Variants in CELF2 observed in about 807,000 individuals in gnomAD.
CELF2 encodes the protein CUGBP Elav-like family member 2.
Under a neutral mutation model 62.6 loss-of-function variants are expected in CELF2, and 8 were observed. That is an observed-to-expected ratio of 0.13 (90% CI 0.07 to 0.23). The LOEUF is 0.23. Among genes scored for constraint, CELF2 ranks in the 10% least tolerant of loss-of-function variants. The probability of loss-of-function intolerance (pLI) is 1.00; values close to 1 mark genes in which losing one functional copy is unlikely to be tolerated. For synonymous variants in CELF2, 258 were observed against 250.0 expected, an observed-to-expected ratio of 1.03 and a Z score of -0.30; for missense variants, 333 against 671.0, an observed-to-expected ratio of 0.50 and a Z score of 5.56.
Position 11,170,971 on chromosome 10 carries a change from G to A in CELF2, c.271+5289G>A, listed in dbSNP as rs955173687. 2.6e-5 allele frequency among the ~76,000 whole-genome samples: 4 copies of A among 152,096 alleles called. No homozygotes were observed. The East Asian group carries it at 7.7e-4, about 29-fold the overall frequency. On this transcript the variant is annotated intron_variant, in intron 2 of 12. Transcript: ENST00000633077. ...CCGAGTGATAGATTAAAATCACTTG[G>A]CATTTGAGATTAGAAGGTAGGAACA...
intron 1 of CELF2, among the ~76,000 whole-genome samples, chr10:10,873,985 G>C (rs1215059791): frequency 1.3e-5 from 2 of 152,170 alleles, no homozygotes; most frequent in Non-Finnish European, 2.9e-5. Flanking sequence ...CCTATATCTA[G>C]TTGATGTAAA....
chr10:10,712,820 T>G, the CELF2 span, among the ~76,000 whole-genome samples: 5 of 152,188 alleles, frequency 3.3e-5, no homozygotes, highest in Non-Finnish European at 7.3e-5. Flanking sequence ...ACTCACCTTC[T>G]CCACTGCTAG....
chr10:10,890,065 T>C (rs930842958), intron 1 of CELF2, among the ~76,000 whole-genome samples: 1 of 152,166 alleles, frequency 6.6e-6, no homozygotes, highest in African/African-American at 2.4e-5. Context: ...GGGGTTTTTT[T>C]CCCCTAAACT....
chr10:10,543,901 G>A, the CELF2 span, among the ~76,000 whole-genome samples: 1 of 152,204 alleles, frequency 6.6e-6, no homozygotes, highest in Non-Finnish European at 1.5e-5. Flanking sequence ...AGCATGCAGT[G>A]AGTCTTGCCT....
At chr10:10,984,950 C>T (rs947173134) in intron 2 of CELF2, among the ~76,000 whole-genome samples, 3 of 152,032 alleles carry the variant, frequency 2.0e-5, no homozygotes, top group South Asian at 2.1e-4. Context: ...AGAAGAGAAA[C>T]GGGCATGTGA....
At chr10:10,833,514 C>T (rs1255955133) in intron 1 of CELF2, among the ~76,000 whole-genome samples, 1 of 152,112 alleles carries the variant, frequency 6.6e-6, no homozygotes, top group South Asian at 2.1e-4. Context: ...TAGGGGCAGG[C>T]AGCATTATCT....
At chr10:10,830,243 A>G (rs1179353236) in intron 1 of CELF2, among the ~76,000 whole-genome samples, 1 of 151,402 alleles carries the variant, frequency 6.6e-6, no homozygotes, top group Non-Finnish European at 1.5e-5. Flanking sequence ...AAACGGCAAT[A>G]CAAACTGTGA....
the CELF2 span, among the ~76,000 whole-genome samples, chr10:10,631,240 C>T: frequency 9.2e-5 from 14 of 152,150 alleles, no homozygotes; most frequent in Admixed American, 7.2e-4. Context: ...GCCAAACTCA[C>T]GGTGAGTCTG....
chr10:11,141,207 C>G (rs904961009), intron 1 of CELF2, among the ~76,000 whole-genome samples: 1 of 152,088 alleles, frequency 6.6e-6, no homozygotes, highest in Non-Finnish European at 1.5e-5. Flanking sequence ...CACAGTGCCC[C>G]CTAACCTATG....
the CELF2 span, among the ~76,000 whole-genome samples, chr10:10,705,564 C>G: frequency 6.6e-6 from 1 of 151,982 alleles, no homozygotes; most frequent in Non-Finnish European, 1.5e-5. Context: ...TAGAGTGGAG[C>G]CTACAACTTG....
At chr10:10,927,471 A>G (rs1398675004) in intron 2 of CELF2, among the ~76,000 whole-genome samples, 2 of 152,000 alleles carry the variant, frequency 1.3e-5, no homozygotes, top group African/African-American at 2.4e-5. Context: ...TCTGTTGCCA[A>G]GATGAAAGTT....
the CELF2 span, among the ~76,000 whole-genome samples, chr10:10,472,898 C>T: frequency 6.6e-6 from 1 of 151,876 alleles, no homozygotes; most frequent in East Asian, 1.9e-4. Flanking sequence ...AGAGTTTACT[C>T]CTATTTTGGG....
chr10:10,538,067 G>A, the CELF2 span, among the ~76,000 whole-genome samples: 5 of 152,178 alleles, frequency 3.3e-5, no homozygotes, highest in Non-Finnish European at 7.4e-5. Context: ...CCTAGAGGCA[G>A]TGCAGCAGCC....
chr10:11,333,878 T>C lies in CELF2; in HGVS notation c.*4825T>C, dbSNP rs1044942082. On this transcript the variant is annotated 3_prime_UTR_variant, in exon 13 of 13. Coordinates refer to ENST00000633077, the MANE Select transcript of CELF2 (RefSeq NM_001326342.2). ...TGCATTTTGTACCAGTGGAACTTTT[T>C]ATACTGGAGATTAAAAAAAAAATGG... 2 of 152,234 alleles carry C rather than the reference T, an allele frequency of 1.3e-5. No individual in the cohort carries two copies. Among genetic ancestry groups the C allele is most frequent in the African/African-American group, 4.9e-5 (2 of 41,196 alleles). The allele number at this position is 152,234 out of a possible 1,614,324, so 9.4% of individuals were successfully genotyped here.
chr10:10,973,520 C>A (rs755159178), intron 2 of CELF2, among the ~76,000 whole-genome samples: 2 of 152,054 alleles, frequency 1.3e-5, no homozygotes, highest in Non-Finnish European at 2.9e-5. Flanking sequence ...AGAGGCAGGG[C>A]GTGAGTGGGA....
intron 1 of CELF2, among the ~76,000 whole-genome samples, chr10:10,854,098 C>T (rs1260356847): frequency 6.6e-6 from 1 of 152,164 alleles, no homozygotes; most frequent in Admixed American, 6.5e-5. Context: ...ATGTATTTTA[C>T]ACATTACTTG....
At chr10:11,158,524 C>G (rs781075971) in intron 1 of CELF2, among the ~76,000 whole-genome samples, 1 of 152,158 alleles carries the variant, frequency 6.6e-6, no homozygotes, top group South Asian at 2.1e-4. Flanking sequence ...AATGAGTTGC[C>G]TGGGTGAGGG....
rs541194210 is a variant in CELF2 at position 11,285,116 on chromosome 10, G to A, written c.842-3302G>A. 6.5e-4 allele frequency among the ~76,000 whole-genome samples: 99 copies of A among 151,776 alleles called. No homozygotes were observed. Among genetic ancestry groups the A allele is most frequent in the African/African-American group, 2.1e-3 (86 of 41,318 alleles). On this transcript the variant is annotated intron_variant, in intron 8 of 12. Coordinates refer to ENST00000633077, the MANE Select transcript of CELF2 (RefSeq NM_001326342.2). This position sits in a 1 kb window ranked among gnomAD's most constrained non-coding sequence, Gnocchi z 4.3. ...TGGATGGGTGGGTGGGTGGATGGGC[G>A]GATGATGGATATATGGATGGATGGT...
chr10:11,243,884 G>A lies in CELF2; in HGVS notation c.355-5269G>A, dbSNP rs1310012431. Among the ~76,000 whole-genome samples, 1 of 152,182 alleles carries A rather than the reference G, an allele frequency of 6.6e-6. No homozygotes were observed. The highest frequency in any genetic ancestry group is 2.4e-5 in the African/African-American group (1 of 41,448). ...TCAGAGACTCCTTGCAAAAATTCTG[G>A]AAGATCGTGTACTCCCTTGTCATAG... On this transcript the variant is annotated intron_variant, in intron 3 of 12. Transcript: ENST00000633077. The surrounding 1 kb of genome is among the most constrained non-coding windows in gnomAD (Gnocchi z 4.1).
Sources: allele counts gnomAD v4.1 joint callset (sites outside exome capture counted in the v4.1 genomes callset), GRCh38; gene constraint gnomAD v4.1.1; non-coding constraint Gnocchi (gnomAD v3.1); transcripts MANE v1.5; gene names NCBI Gene and HGNC (gene_info 2026-07-23, HGNC 2026-07-21).